Variants in CEP112 observed in about 807,000 individuals in gnomAD.
CEP112 encodes the protein centrosomal protein 112.
CEP112 carries 127 observed loss-of-function variants against 153.0 expected under a neutral mutation model. That is an observed-to-expected ratio of 0.83 (90% confidence interval 0.72 to 0.96). The LOEUF is 0.96. CEP112 is among the 40% of genes least tolerant of loss of function. The pLI is 0.00. For synonymous variants in CEP112, 358 were observed against 374.4 expected (o/e 0.96, Z 0.51); for missense variants, 1,089 against 1,101.2 (o/e 0.99, Z 0.16).
At chr17:65,738,974 T>C (rs917238554) in intron 23 of CEP112, among the ~76,000 whole-genome samples, 2 of 152,226 alleles carry the variant, frequency 1.3e-5, no homozygotes, top group African/African-American at 4.8e-5. Flanking sequence ...TGACCTATCT[T>C]GATCAATCGA....
At chr17:65,669,529 CCAGAAAA>C (rs1231311809) in intron 24 of CEP112, among the ~76,000 whole-genome samples, 2 of 152,020 alleles carry the variant, frequency 1.3e-5, no homozygotes, top group Admixed American at 6.5e-5. Flanking sequence ...GGAATAGATA[CCAGAAAA>C]CAGAGATTAT....
rs201243469 is a variant in CEP112, at chr17:66,103,661, G to C, written c.643-7029C>G. Among the ~76,000 whole-genome samples the C allele has an allele frequency of 1.1e-4, 7 of 62,982 alleles. 1 individual carries two copies. The East Asian group carries it at 1.3e-3, about 11-fold the overall frequency. 41.3% of individuals were successfully genotyped at this position (62,982 alleles called of 152,430 possible). On this transcript the variant is annotated intron_variant, in intron 6 of 26. Transcript: ENST00000535342. ...TTCACATAAAAAAGCACCTTCATAAGAAGAAAAAATCAGGTGAGTGATCAC... is the reference window on the plus strand; with the variant it reads ...TTCACATAAAAAAGCACCTTCATAACAAGAAAAAATCAGGTGAGTGATCAC...
chr17:65,715,273 G>A (rs2049440730), intron 23 of CEP112, among the ~76,000 whole-genome samples: 1 of 152,132 alleles, frequency 6.6e-6, no homozygotes, highest in South Asian at 2.1e-4. Context: ...AGAAGCCAGG[G>A]TCAGGTGCTC....
chr17:66,029,628 C>T (rs1041343917), intron 13 of CEP112, among the ~76,000 whole-genome samples: 6 of 151,996 alleles, frequency 3.9e-5, no homozygotes, highest in African/African-American at 1.5e-4. Flanking sequence ...CGTATGAGCC[C>T]AGGAGTTTGA....
chr17:66,176,018 C>A (rs2072456536), intron 3 of CEP112, among the ~76,000 whole-genome samples: 1 of 152,136 alleles, frequency 6.6e-6, no homozygotes, highest in East Asian at 1.9e-4. Context: ...ACAGAAATTT[C>A]TTTTTAAATG....
intron 21 of CEP112, among the ~76,000 whole-genome samples, chr17:65,773,834 C>T (rs1022902098): frequency 6.6e-6 from 1 of 152,114 alleles, no homozygotes; most frequent in African/African-American, 2.4e-5. Context: ...ACTGTAATCC[C>T]AGTGCTTTGG....
intron 21 of CEP112, among the ~76,000 whole-genome samples, chr17:65,789,136 C>A (rs1371734351): frequency 6.6e-6 from 1 of 152,186 alleles, no homozygotes; most frequent in East Asian, 1.9e-4. Flanking sequence ...TGAACTCGAT[C>A]ATTTCTTCTT....
chr17:65,945,618 C>T lies in CEP112; in HGVS notation c.1872+15845G>A, dbSNP rs117339979. Among the ~76,000 whole-genome samples, 647 of 152,044 alleles carry T rather than the reference C, an allele frequency of 4.3e-3. 2 individuals carry two copies. Among genetic ancestry groups the T allele is most frequent in the South Asian group, 8.1e-3 (39 of 4,824 alleles). ...AGCATTGTGGTTTTATTTTTGCATT[C>T]CCCTGATGACTAAAGAAACTAAGCC... On this transcript the variant is annotated intron_variant, in intron 18 of 26. Coordinates refer to ENST00000535342, the MANE Select transcript of CEP112 (RefSeq NM_001199165.4).
At chr17:65,800,177 T>G (rs1322423326) in intron 21 of CEP112, among the ~76,000 whole-genome samples, 1 of 152,116 alleles carries the variant, frequency 6.6e-6, no homozygotes, top group Non-Finnish European at 1.5e-5. Flanking sequence ...ATTTTAATGG[T>G]TTTTACTGTA....
chr17:65,694,561 C>T (rs781136653), intron 23 of CEP112, among the ~76,000 whole-genome samples: 20 of 151,912 alleles, frequency 1.3e-4, no homozygotes, highest in Non-Finnish European at 2.1e-4. Flanking sequence ...AAATGACTTT[C>T]GTTACCTATT....
At chr17:66,077,632 CAT>C (rs1192833775) in intron 8 of CEP112, among the ~76,000 whole-genome samples, 2 of 152,220 alleles carry the variant, frequency 1.3e-5, no homozygotes, top group Non-Finnish European at 2.9e-5. Flanking sequence ...GTGTGGAAAA[CAT>C]ATTTGGGGGA....
intron 21 of CEP112, among the ~76,000 whole-genome samples, chr17:65,812,165 G>C (rs972403921): frequency 2.0e-5 from 3 of 151,870 alleles, no homozygotes; most frequent in Non-Finnish European, 4.4e-5. Context: ...CACCACGCCT[G>C]GATAATTTTT....
intron 20 of CEP112, among the ~76,000 whole-genome samples, chr17:65,893,453 T>C (rs192586542): frequency 9.3e-4 from 142 of 152,194 alleles, no homozygotes; most frequent in Non-Finnish European, 1.5e-3. Context: ...AACCTCCCAA[T>C]AAACAAATAT....
intron 21 of CEP112, among the ~76,000 whole-genome samples, chr17:65,812,685 T>C (rs2056045535): frequency 1.3e-5 from 2 of 152,170 alleles, no homozygotes; most frequent in Non-Finnish European, 2.9e-5. Context: ...TTCAGTTTTA[T>C]TTACATAAAA....
chr17:65,920,269 G>A (rs6504375), intron 19 of CEP112, among the ~76,000 whole-genome samples: 5 of 148,140 alleles, frequency 3.4e-5, no homozygotes, highest in Non-Finnish European at 6.0e-5. Flanking sequence ...TCACTTGAAC[G>A]TGGGTGGCAG....
intron 16 of CEP112, among the ~76,000 whole-genome samples, chr17:66,006,905 C>T (rs975952081): frequency 3.3e-5 from 5 of 152,048 alleles, no homozygotes; most frequent in Admixed American, 6.5e-5. Flanking sequence ...AAGAGAGAAA[C>T]GACAAGAACA....
intron 8 of CEP112, among the ~76,000 whole-genome samples, chr17:66,086,582 T>G (rs2067947237): frequency 6.6e-6 from 1 of 151,668 alleles, no homozygotes; most frequent in Non-Finnish European, 1.5e-5. Flanking sequence ...TTTTTGTATT[T>G]TTTTTAGCAG....
At chr17:66,161,416 A>G (rs1250680372) in intron 4 of CEP112, among the ~76,000 whole-genome samples, 4 of 152,234 alleles carry the variant, frequency 2.6e-5, no homozygotes, top group Non-Finnish European at 4.4e-5. Context: ...ACAATAGCAA[A>G]GAATTGGAAC....
At chr17:65,990,878 C>T (rs2063570366) in intron 17 of CEP112, among the ~76,000 whole-genome samples, 1 of 152,220 alleles carries the variant, frequency 6.6e-6, no homozygotes, top group Admixed American at 6.5e-5. Context: ...AATCTGTGTG[C>T]TTGGGAGAGG....
Sources: allele counts gnomAD v4.1 joint callset (sites outside exome capture counted in the v4.1 genomes callset), GRCh38; gene constraint gnomAD v4.1.1; transcripts MANE v1.5; gene names NCBI Gene and HGNC (gene_info 2026-07-23, HGNC 2026-07-21).